SCARA3: variants seen among roughly 807,000 people sequenced by gnomAD.
SCARA3 encodes scavenger receptor class A member 3.
In SCARA3, 39 loss-of-function variants were observed where a neutral mutation model predicts 47.0. The observed-to-expected ratio is 0.83, with a 90% CI of 0.64 to 1.08. The LOEUF (loss-of-function observed/expected upper bound fraction) is 1.08. SCARA3 is among the 50% of genes least tolerant of loss of function. The probability of loss-of-function intolerance (pLI) is 0.00; values close to 1 mark genes in which losing one functional copy is unlikely to be tolerated. For synonymous variants in SCARA3, 356 were observed against 334.1 expected, an observed-to-expected ratio of 1.07 and a Z score of -0.71; for missense variants, 724 against 792.3, an observed-to-expected ratio of 0.91 and a Z score of 1.04.
chr8:27,681,803 G>A, the SCARA3 span, among the ~76,000 whole-genome samples: 1,569 of 152,206 alleles, frequency 0.01, 27 homozygotes, highest in African/African-American at 0.035. Context: ...ACTAAATGGC[G>A]ATATATACCA....
the SCARA3 span, among the ~76,000 whole-genome samples, chr8:27,695,298 AG>A: frequency 6.6e-6 from 1 of 152,216 alleles, no homozygotes; most frequent in Non-Finnish European, 1.5e-5. Context: ...ATGAAGTTAG[AG>A]GGTCTGGGTT....
At chr8:27,654,290 A>C (rs35112405) in intron 3 of SCARA3, among the ~76,000 whole-genome samples, 1 of 152,194 alleles carries the variant, frequency 6.6e-6, no homozygotes, top group Non-Finnish European at 1.5e-5. Flanking sequence ...AAAAATTGTT[A>C]GCGTCACAGC....
At chr8:27,663,078 C>T (rs36046209) in intron 5 of SCARA3, among the ~76,000 whole-genome samples, 13,701 of 152,284 alleles carry the variant, frequency 0.09, 836 homozygotes, top group Middle Eastern at 0.14. Context: ...ACATCCCTGA[C>T]CATCCAGCCA....
the SCARA3 span, chr8:27,733,382 TG>T: frequency 3.3e-5 from 5 of 152,256 alleles, no homozygotes; most frequent in Non-Finnish European, 7.3e-5. Flanking sequence ...ATGCTGCATC[TG>T]GGGTTGGCAT....
the SCARA3 span, among the ~76,000 whole-genome samples, chr8:27,698,573 G>A: frequency 2.0e-5 from 3 of 152,090 alleles, no homozygotes; most frequent in Admixed American, 1.3e-4. Flanking sequence ...ATATAAAGCT[G>A]TATTTATTCA....
intron 1 of SCARA3, among the ~76,000 whole-genome samples, chr8:27,641,003 A>G (rs1422671499): frequency 6.6e-6 from 1 of 152,152 alleles, no homozygotes; most frequent in African/African-American, 2.4e-5. Flanking sequence ...AGCTTGCAGT[A>G]TTTTTAAAAA....
chr8:27,708,445 C>G, the SCARA3 span, among the ~76,000 whole-genome samples: 91 of 152,140 alleles, frequency 6.0e-4, no homozygotes, highest in African/African-American at 2.2e-3. Flanking sequence ...AGTGATTCAA[C>G]TATATTGAGA....
At chr8:27,714,277 C>T in the SCARA3 span, among the ~76,000 whole-genome samples, 2 of 145,304 alleles carry the variant, frequency 1.4e-5, no homozygotes, top group African/African-American at 5.2e-5. Flanking sequence ...CTCACTGCAA[C>T]CTCCGCCTCC....
At position 27,651,570 on chromosome 8, in the gene SCARA3, A is replaced by T. The variant is rs1484090710; in HGVS notation, c.169A>T (p.Ile57Phe). Residue 57 changes from isoleucine to phenylalanine, a missense_variant, in exon 3 of 6, where the codon ATT (isoleucine) becomes TTT (phenylalanine). By Grantham distance (21) the Ile-to-Phe change is conservative. Coordinates refer to ENST00000301904, the MANE Select transcript of SCARA3 (RefSeq NM_016240.3). ...KNLSLHTSVR[I>F]LYLFLALLLV... is the part of the protein sequence containing the mutation. ...CCTATCTTTGCACACATCGGTGCGGATTCTTTACCTCTTCCTGGCCCTGCT... is the reference window on the plus strand; with the variant it reads ...CCTATCTTTGCACACATCGGTGCGGTTTCTTTACCTCTTCCTGGCCCTGCT... 2 of 1,613,966 alleles carry T rather than the reference A, an allele frequency of 1.2e-6. No individual in the cohort carries two copies. The highest frequency in any genetic ancestry group is 1.7e-6 in the Non-Finnish European group (2 of 1,180,022).
chr8:27,692,607 C>G, the SCARA3 span, among the ~76,000 whole-genome samples: 1 of 152,076 alleles, frequency 6.6e-6, no homozygotes, highest in African/African-American at 2.4e-5. Flanking sequence ...AATCTTCTTT[C>G]CTTTCCAGAT....
chr8:27,635,903 G>T (rs187699804), intron 1 of SCARA3, among the ~76,000 whole-genome samples: 1 of 152,322 alleles, frequency 6.6e-6, no homozygotes, highest in African/African-American at 2.4e-5. Context: ...AGGGTGACTA[G>T]ACCCCAGGAC....
At chr8:27,699,158 A>G in the SCARA3 span, among the ~76,000 whole-genome samples, 1 of 151,560 alleles carries the variant, frequency 6.6e-6, no homozygotes, top group Non-Finnish European at 1.5e-5. Context: ...GCAGAAGAAT[A>G]GTGGGAACCC....
intron 5 of SCARA3, among the ~76,000 whole-genome samples, chr8:27,660,310 G>T (rs1025971843): frequency 6.6e-6 from 1 of 151,890 alleles, no homozygotes; most frequent in African/African-American, 2.4e-5. Context: ...TATATAGAGA[G>T]ATAGACCCAG....
the SCARA3 span, among the ~76,000 whole-genome samples, chr8:27,706,935 G>T: frequency 6.6e-6 from 1 of 152,032 alleles, no homozygotes; most frequent in Non-Finnish European, 1.5e-5. Context: ...GAAAATGAGG[G>T]CATAGGATGG....
the SCARA3 span, among the ~76,000 whole-genome samples, chr8:27,692,960 A>G: frequency 6.6e-6 from 1 of 151,970 alleles, no homozygotes; most frequent in Non-Finnish European, 1.5e-5. Flanking sequence ...CCCTGTCTCT[A>G]CAAAAAAATA....
chr8:27,694,242 C>A, the SCARA3 span, among the ~76,000 whole-genome samples: 8 of 152,246 alleles, frequency 5.3e-5, no homozygotes, highest in South Asian at 1.7e-3. Context: ...AGGATTAAAT[C>A]AGATTTCTAC....
In SCARA3 at chr8:27,673,015, A is replaced by G. The variant is rs898170022; in HGVS notation, c.*1664A>G. ...ACTGACTCAGTAAAGAGCTATTTCC[A>G]GGAGTGAGGTGTCTTTGAGTCCTTT... is the stretch of plus-strand genomic sequence containing the variant. On this transcript the variant is annotated 3_prime_UTR_variant, in exon 6 of 6. Coordinates refer to ENST00000301904, the MANE Select transcript of SCARA3 (RefSeq NM_016240.3). 5.1e-6 allele frequency: 5 copies of G among 984,740 alleles called. No individual in the cohort carries two copies. Among genetic ancestry groups the G allele is most frequent in the Non-Finnish European group, 6.0e-6 (5 of 829,436 alleles). 61.0% of individuals were successfully genotyped at this position (984,740 alleles called of 1,614,324 possible). A position where few individuals can be genotyped will look rare whatever the true frequency, so the allele number is the denominator to read the frequency against.
At chr8:27,717,943 G>A in the SCARA3 span, among the ~76,000 whole-genome samples, 3 of 151,924 alleles carry the variant, frequency 2.0e-5, no homozygotes, top group East Asian at 1.9e-4. Context: ...ATTTCCAACC[G>A]CATCCTCTCA....
intron 2 of SCARA3, among the ~76,000 whole-genome samples, chr8:27,651,265 A>T (rs1460029733): frequency 6.6e-6 from 1 of 152,218 alleles, no homozygotes; most frequent in Non-Finnish European, 1.5e-5. Flanking sequence ...CACCATGGAG[A>T]GAGGATGATG....
Sources: gnomAD v4.1 joint callset for allele counts (sites outside exome capture counted in the v4.1 genomes callset) on GRCh38, gnomAD v4.1.1 for gene constraint, MANE v1.5 for transcripts, NCBI Gene and HGNC (gene_info 2026-07-23, HGNC 2026-07-21) for gene names.